Variants in VPS13B observed in about 807,000 individuals in gnomAD.
VPS13B encodes vacuolar protein sorting 13 homolog B, also known as intermembrane lipid transfer protein VPS13B.
In VPS13B, 285 loss-of-function variants were observed where a neutral mutation model predicts 426.4. The observed-to-expected ratio is 0.67, with a 90% CI of 0.61 to 0.74. The LOEUF (loss-of-function observed/expected upper bound fraction) is 0.74, where lower values mean the gene tolerates loss of function less well. VPS13B is among the 30% of genes least tolerant of loss of function. VPS13B has a pLI of 0.00. For synonymous variants in VPS13B, 1,676 were observed against 1,676.4 expected, an observed-to-expected ratio of 1.00 and a Z score of 0.01; for missense variants, 4,537 against 4,782.6, an observed-to-expected ratio of 0.95 and a Z score of 1.51.
At chr8:99,724,120 TC>T (rs1400446314) in intron 39 of VPS13B, among the ~76,000 whole-genome samples, 53 of 152,302 alleles carry the variant, frequency 3.5e-4, no homozygotes, top group African/African-American at 1.2e-3. Context: ...CATTAGAACT[TC>T]AGTTGAGGAC....
intron 19 of VPS13B, among the ~76,000 whole-genome samples, chr8:99,287,751 A>T (rs1362023509): frequency 6.6e-6 from 1 of 152,070 alleles, no homozygotes; most frequent in Non-Finnish European, 1.5e-5. Flanking sequence ...AAAGAAATCG[A>T]CATTAAAACA....
Position 99,544,106 on chromosome 8 carries a change from A to G in VPS13B, c.4746-12344A>G, listed in dbSNP as rs1179849444. On this transcript the variant is annotated intron_variant, in intron 30 of 61. Coordinates refer to ENST00000357162, the MANE Select transcript of VPS13B (RefSeq NM_152564.5). ...AGACTGGATTAAGAAAATGTGGCAC[A>G]TATACACCATGGAATACTATGCAGC... Among the ~76,000 whole-genome samples the G allele has an allele frequency of 3.3e-5, 5 of 151,326 alleles. No homozygotes were observed. In the South Asian group the frequency reaches 8.4e-4, roughly 26 times the overall value.
chr8:99,349,009 T>A (rs1379713101), intron 19 of VPS13B, among the ~76,000 whole-genome samples: 1 of 152,058 alleles, frequency 6.6e-6, no homozygotes, highest in Non-Finnish European at 1.5e-5. Context: ...AATAGAAATA[T>A]ATTTTTAAAG....
At chr8:99,017,665 G>A (rs1216698428) in intron 2 of VPS13B, among the ~76,000 whole-genome samples, 1 of 151,764 alleles carries the variant, frequency 6.6e-6, no homozygotes, top group Non-Finnish European at 1.5e-5. Flanking sequence ...GCTAACTTTT[G>A]TATTTTTAGT....
intron 33 of VPS13B, among the ~76,000 whole-genome samples, chr8:99,624,007 A>ATATATTT (rs1206203704): frequency 4.0e-5 from 4 of 101,102 alleles, no homozygotes; most frequent in African/African-American, 8.8e-5. Flanking sequence ...ATATATATAT[A>ATATATTT]TTTTTTTTTT....
At chr8:99,137,177 A>T (rs939048890) in intron 12 of VPS13B, among the ~76,000 whole-genome samples, 1 of 152,022 alleles carries the variant, frequency 6.6e-6, no homozygotes, top group Non-Finnish European at 1.5e-5. Flanking sequence ...ATATTGTATT[A>T]TTTTATTATG....
intron 39 of VPS13B, among the ~76,000 whole-genome samples, chr8:99,724,927 C>T (rs1833276937): frequency 6.6e-6 from 1 of 152,192 alleles, no homozygotes; most frequent in Non-Finnish European, 1.5e-5. Flanking sequence ...CTTGCAGTCC[C>T]TTAGACATGG....
At chr8:99,272,166 CAT>C (rs1195047813) in intron 17 of VPS13B, among the ~76,000 whole-genome samples, 3 of 151,902 alleles carry the variant, frequency 2.0e-5, no homozygotes, top group African/African-American at 7.3e-5. Flanking sequence ...ATTATTCATA[CAT>C]AGTTAAAGAA....
chr8:99,464,988 A>T (rs931140052), intron 23 of VPS13B, among the ~76,000 whole-genome samples: 3 of 151,954 alleles, frequency 2.0e-5, no homozygotes, highest in Non-Finnish European at 4.4e-5. Flanking sequence ...TTGCTTGAAA[A>T]TTTTTTAATT....
chr8:99,295,334 G>C (rs1388823294), intron 19 of VPS13B, among the ~76,000 whole-genome samples: 2 of 152,156 alleles, frequency 1.3e-5, no homozygotes, highest in Non-Finnish European at 2.9e-5. Context: ...AAGAGGTTAA[G>C]TAATGGATTT....
At chr8:99,595,853 T>C (rs181186339) in intron 33 of VPS13B, among the ~76,000 whole-genome samples, 107 of 152,034 alleles carry the variant, frequency 7.0e-4, no homozygotes, top group African/African-American at 2.4e-3. Context: ...GCTCAAAGAA[T>C]CTTAATAAAC....
chr8:99,389,542 C>T (rs1040477481), intron 20 of VPS13B: 2 of 151,926 alleles, frequency 1.3e-5, no homozygotes, highest in African/African-American at 4.8e-5. Context: ...ATATGTTATT[C>T]TTACATTAAA....
At chr8:99,162,493 T>G (rs1811724242) in intron 15 of VPS13B, among the ~76,000 whole-genome samples, 1 of 152,172 alleles carries the variant, frequency 6.6e-6, no homozygotes, top group Non-Finnish European at 1.5e-5. Flanking sequence ...GTGTTACAGC[T>G]CTTAAGGTGG....
In VPS13B at chr8:99,507,148, G is replaced by T. The variant is rs372350591; in HGVS notation, c.4169G>T (p.Gly1390Val). The T allele has an allele frequency of 3.1e-6, 5 of 1,613,984 alleles. No homozygotes were observed. The highest frequency in any genetic ancestry group is 2.2e-5 in the South Asian group (2 of 91,082). Reference sequence around the variant, plus strand: ...CTTATGTTTTCCAGGCCAGGGGAAGGTTGGCAGTCAGGACATTTTGAAGGA... The same window carrying T: ...CTTATGTTTTCCAGGCCAGGGGAAGTTTGGCAGTCAGGACATTTTGAAGGA... ...IDHYRSRPGE[G>V]WQSGHFEGVF... is the part of the protein sequence containing the mutation. Residue 1390 changes from glycine to valine, a missense_variant, in exon 28 of 62, where the codon GGT becomes GTT. Coordinates refer to ENST00000357162, the MANE Select transcript of VPS13B (RefSeq NM_152564.5).
intron 19 of VPS13B, among the ~76,000 whole-genome samples, chr8:99,285,394 C>T (rs577493150): frequency 5.8e-4 from 88 of 152,220 alleles, no homozygotes; most frequent in African/African-American, 2.1e-3. Flanking sequence ...CATTTTATTA[C>T]TGCTTGTATA....
chr8:99,479,998 T>A (rs561944850), intron 24 of VPS13B, among the ~76,000 whole-genome samples: 1 of 152,316 alleles, frequency 6.6e-6, no homozygotes. Context: ...TTTACATTCC[T>A]ACCAGCAGAA....
intron 21 of VPS13B, among the ~76,000 whole-genome samples, chr8:99,428,843 C>A (rs546330121): frequency 3.3e-5 from 5 of 151,938 alleles, no homozygotes; most frequent in African/African-American, 4.8e-5. Context: ...ATGTTTATTG[C>A]GGCACTATTC....
At chr8:99,818,269 C>T (rs1211240612) in intron 45 of VPS13B, among the ~76,000 whole-genome samples, 182 bp from the exon 46 acceptor site, 1 of 152,190 alleles carries the variant, frequency 6.6e-6, no homozygotes, top group Non-Finnish European at 1.5e-5. Context: ...GCCCCGCTGA[C>T]TCACTGCACA....
intron 16 of VPS13B, among the ~76,000 whole-genome samples, chr8:99,176,132 A>G (rs1812616236): frequency 6.6e-6 from 1 of 151,646 alleles, no homozygotes. Context: ...GTAAAATACT[A>G]TAAACTTTTG....
Sources: gnomAD v4.1 joint callset for allele counts (sites outside exome capture counted in the v4.1 genomes callset) on GRCh38, gnomAD v4.1.1 for gene constraint, MANE v1.5 for transcripts, NCBI Gene and HGNC (gene_info 2026-07-23, HGNC 2026-07-21) for gene names.